GALNT15: variants seen among roughly 807,000 people sequenced by gnomAD.
GALNT15 encodes UDP-GalNAc transferase T15.
Under a neutral mutation model 66.8 loss-of-function variants are expected in GALNT15, and 67 were observed. The observed-to-expected ratio is 1.00, with a 90% CI of 0.82 to 1.23. The LOEUF (loss-of-function observed/expected upper bound fraction) is 1.23, where lower values mean the gene tolerates loss of function less well. Among genes scored for constraint, GALNT15 ranks in the 50% most tolerant of loss-of-function variants. The pLI is 0.00. For synonymous variants in GALNT15, 313 were observed against 311.5 expected (o/e 1.00, Z -0.05); for missense variants, 827 against 804.3 (o/e 1.03, Z -0.34).
chr3:16,238,723 T>C, the GALNT15 span, among the ~76,000 whole-genome samples: 3 of 152,132 alleles, frequency 2.0e-5, no homozygotes, highest in African/African-American at 7.2e-5. This position sits in a 1 kb window ranked among gnomAD's most constrained non-coding sequence, Gnocchi z 4.8. Context: ...CACATTTGAT[T>C]GCCTCCCAGT....
chr3:16,231,830 A>G (rs1272401223), downstream of GALNT15: 2 of 1,536,334 alleles, frequency 1.3e-6, no homozygotes, highest in Non-Finnish European at 1.7e-6. The surrounding 1 kb of genome is among the most constrained non-coding windows in gnomAD (Gnocchi z 4.1). Context: ...GCTGAAGCTT[A>G]TCAAAGGCCT....
At chr3:16,202,620 A>C (rs982320579) in intron 3 of GALNT15, among the ~76,000 whole-genome samples, 9 of 152,224 alleles carry the variant, frequency 5.9e-5, no homozygotes, top group African/African-American at 2.2e-4. Flanking sequence ...GCAACAGAGC[A>C]AGACTCCATC....
chr3:16,243,424 C>T, the GALNT15 span, among the ~76,000 whole-genome samples: 1 of 152,244 alleles, frequency 6.6e-6, no homozygotes, highest in Admixed American at 6.5e-5. Context: ...ATCACTTCTG[C>T]AGCTGATGCA....
rs2063473497 is a variant in GALNT15, at chr3:16,181,733, G to A, written c.539+6043G>A. Reference sequence around the variant, plus strand: ...TGAGGGACAAGAACAGGAACAAGCTGGGCTTGAGACCTGGGGCTGGAACTT... The same window carrying A: ...TGAGGGACAAGAACAGGAACAAGCTAGGCTTGAGACCTGGGGCTGGAACTT... On this transcript the variant is annotated intron_variant, in intron 1 of 9. Transcript: ENST00000339732. The surrounding 1 kb of genome is among the most constrained non-coding windows in gnomAD (Gnocchi z 5.9). Among the ~76,000 whole-genome samples, 1 of 152,244 alleles carries A rather than the reference G, an allele frequency of 6.6e-6. No individual in the cohort carries two copies. Among genetic ancestry groups the A allele is most frequent in the African/African-American group, 2.4e-5 (1 of 41,544 alleles).
Position 16,200,795 on chromosome 3 carries a change from C to G in GALNT15, c.883C>G (p.Pro295Ala), listed in dbSNP as rs200564483. The G allele has an allele frequency of 1.2e-5, 20 of 1,610,092 alleles. No homozygotes were observed. The highest frequency in any genetic ancestry group is 8.5e-7 in the Non-Finnish European group (1 of 1,178,522). Residue 295 changes from proline to alanine, a missense_variant, in exon 3 of 10, where the codon CCC (proline) becomes GCC (alanine). Transcript: ENST00000339732. The surrounding 1 kb of genome is among the most constrained non-coding windows in gnomAD (Gnocchi z 4.4). ...HCECHPGWLEPLLSRIAGDRS... is the reference protein window; with the variant it reads ...HCECHPGWLEALLSRIAGDRS... ...CGAGTGCCACCCAGGCTGGCTGGAG[C>G]CCCTCCTCAGCAGAATAGCTGGTGA...
Position 16,207,501 on chromosome 3 carries a change from T to TAAAAA in GALNT15, c.912-964_912-960dup, listed in dbSNP as rs36127239. ...ACTCTGCAGTCATATCTCCAGGCTGTAAAAAAAAAAAAAAAAAAAAAAAAA... is the reference window on the plus strand; with the variant it reads ...ACTCTGCAGTCATATCTCCAGGCTGTAAAAAAAAAAAAAAAAAAAAAAAAAAAAAA... On this transcript the variant is annotated intron_variant, in intron 3 of 9. Coordinates refer to ENST00000339732, the MANE Select transcript of GALNT15 (RefSeq NM_054110.5). 2.2e-3 allele frequency among the ~76,000 whole-genome samples: 89 copies of TAAAAA among 39,844 alleles called. 3 individuals carry two copies. The highest frequency in any genetic ancestry group is 3.2e-3 in the Non-Finnish European group (75 of 23,694). 26.1% of individuals were successfully genotyped at this position (39,844 alleles called of 152,430 possible).
In GALNT15 at chr3:16,182,172, C is replaced by G. The variant is rs1175689739; in HGVS notation, c.539+6482C>G. 6.6e-6 allele frequency among the ~76,000 whole-genome samples: 1 copy of G among 152,122 alleles called. No individual in the cohort carries two copies. Among genetic ancestry groups the G allele is most frequent in the Non-Finnish European group, 1.5e-5 (1 of 68,022 alleles). ...AGTGTGGTCCTCAGACCTGCAGCCTCAGAAATGCAGACCCTTCAGACCCCA... is the reference window on the plus strand; with the variant it reads ...AGTGTGGTCCTCAGACCTGCAGCCTGAGAAATGCAGACCCTTCAGACCCCA... On this transcript the variant is annotated intron_variant, in intron 1 of 9. Transcript: ENST00000339732. This position sits in a 1 kb window ranked among gnomAD's most constrained non-coding sequence, Gnocchi z 6.1.
the GALNT15 span, among the ~76,000 whole-genome samples, chr3:16,242,595 CA>C: frequency 6.7e-6 from 1 of 149,260 alleles, no homozygotes; most frequent in African/African-American, 2.5e-5. The surrounding 1 kb of genome is among the most constrained non-coding windows in gnomAD (Gnocchi z 5.6). Context: ...CAATCTCTAC[CA>C]AAAAAAAATA....
chr3:16,211,776 C>CA lies in GALNT15; in HGVS notation c.1197+543dup, dbSNP rs1322968628. On this transcript the variant is annotated intron_variant, in intron 5 of 9. Coordinates refer to ENST00000339732, the MANE Select transcript of GALNT15 (RefSeq NM_054110.5). The surrounding 1 kb of genome is among the most constrained non-coding windows in gnomAD (Gnocchi z 4.3). ...ACAGTATCCTCCGAAAACCCAACACCAAAAAAAATTCATCATCAAGAGTGC... is the reference window on the plus strand; with the variant it reads ...ACAGTATCCTCCGAAAACCCAACACCAAAAAAAAATTCATCATCAAGAGTGC... Among the ~76,000 whole-genome samples, 1 of 151,890 alleles carries CA rather than the reference C, an allele frequency of 6.6e-6. No homozygotes were observed. The highest frequency in any genetic ancestry group is 1.5e-5 in the Non-Finnish European group (1 of 67,986).
At chr3:16,190,955 G>A (rs1012205882) in intron 1 of GALNT15, among the ~76,000 whole-genome samples, 1 of 152,218 alleles carries the variant, frequency 6.6e-6, no homozygotes, top group Non-Finnish European at 1.5e-5. Context: ...CCTGAGAGAG[G>A]AGAAGGATTC....
chr3:16,232,488 ATATATATATATATATATATATATTTATT>A (rs1203444051), downstream of GALNT15, among the ~76,000 whole-genome samples: 67 of 80,540 alleles, frequency 8.3e-4, 4 homozygotes, highest in South Asian at 2.2e-3. Flanking sequence ...ATATATATAT[ATATATATATATATATATATATATTTATT>A]TAAAAGAGAC....
In GALNT15 at chr3:16,176,695, G is replaced by C. The variant is rs1401035481; in HGVS notation, c.539+1005G>C. 1.3e-5 allele frequency among the ~76,000 whole-genome samples: 2 copies of C among 152,184 alleles called. No homozygotes were observed. The highest frequency in any genetic ancestry group is 1.5e-5 in the Non-Finnish European group (1 of 68,030). ...AAGGCAGCTTGTTAGTTTTAGTTTG[G>C]TGATTTAGGTCCCTTTTCCTATAGG... On this transcript the variant is annotated intron_variant, in intron 1 of 9. Coordinates refer to ENST00000339732, the MANE Select transcript of GALNT15 (RefSeq NM_054110.5). This position sits in a 1 kb window ranked among gnomAD's most constrained non-coding sequence, Gnocchi z 5.6.
the GALNT15 span, among the ~76,000 whole-genome samples, chr3:16,237,519 C>T: frequency 6.6e-6 from 1 of 152,226 alleles, no homozygotes; most frequent in African/African-American, 2.4e-5. This position sits in a 1 kb window ranked among gnomAD's most constrained non-coding sequence, Gnocchi z 4.2. Flanking sequence ...CTCTACTGGC[C>T]GTGCTGCTGA....
intron 3 of GALNT15, among the ~76,000 whole-genome samples, chr3:16,206,068 C>G (rs572702184): frequency 2.0e-5 from 3 of 152,168 alleles, no homozygotes; most frequent in Non-Finnish European, 4.4e-5. Flanking sequence ...AAGCAACGTA[C>G]TCCTTTGTTA....
chr3:16,235,023 C>T (rs1365806755), downstream of GALNT15, among the ~76,000 whole-genome samples: 1 of 151,482 alleles, frequency 6.6e-6, no homozygotes, highest in African/African-American at 2.4e-5. Flanking sequence ...CCTGGGTTCA[C>T]ACCATTATCC....
At chr3:16,194,120 C>T (rs2063607849) in intron 1 of GALNT15, among the ~76,000 whole-genome samples, 1 of 152,176 alleles carries the variant, frequency 6.6e-6, no homozygotes, top group Non-Finnish European at 1.5e-5. Context: ...CACTTGCCAG[C>T]AATGTGAGCT....
At position 16,225,038 on chromosome 3, in the gene GALNT15, G is replaced by A. The variant is rs1356136266; in HGVS notation, c.1773+2280G>A. On this transcript the variant is annotated intron_variant, in intron 9 of 9. Transcript: ENST00000339732. The surrounding 1 kb of genome is among the most constrained non-coding windows in gnomAD (Gnocchi z 4.4). Reference sequence around the variant, plus strand: ...CATGGTTCTGCAGGCTGTATAGGAAGCATAGTGGCATCTGCTTCTGGGGAG... The same window carrying A: ...CATGGTTCTGCAGGCTGTATAGGAAACATAGTGGCATCTGCTTCTGGGGAG... Among the ~76,000 whole-genome samples the A allele has an allele frequency of 6.6e-6, 1 of 152,202 alleles. No homozygotes were observed. The highest frequency in any genetic ancestry group is 1.5e-5 in the Non-Finnish European group (1 of 68,044).
At position 16,213,280 on chromosome 3, in the gene GALNT15, C is replaced by T. The variant is rs2063837162; in HGVS notation, c.1392+517C>T. 2.0e-5 allele frequency among the ~76,000 whole-genome samples: 3 copies of T among 149,370 alleles called. No individual in the cohort carries two copies. In the Admixed American group the frequency reaches 2.0e-4, roughly 10 times the overall value. ...ACCATCCTGGCTAACATGGTGAAAC[C>T]CCGTCTCTACTAAAAATACAAAAAA... On this transcript the variant is annotated intron_variant, in intron 6 of 9. Transcript: ENST00000339732.
Position 16,200,058 on chromosome 3 carries a change from G to A in GALNT15, c.707-561G>A, listed in dbSNP as rs750765482. 6.6e-6 allele frequency among the ~76,000 whole-genome samples: 1 copy of A among 152,184 alleles called. No individual in the cohort carries two copies. Among genetic ancestry groups the A allele is most frequent in the South Asian group, 2.1e-4 (1 of 4,828 alleles). On this transcript the variant is annotated intron_variant, in intron 2 of 9. Transcript: ENST00000339732. This position sits in a 1 kb window ranked among gnomAD's most constrained non-coding sequence, Gnocchi z 4.4. ...TTTCGCATGGCTGGGGAGGCCTCAG[G>A]AAACTTACAATCATGGTGGAAGGGG...
Sources: gnomAD v4.1 joint callset for allele counts (sites outside exome capture counted in the v4.1 genomes callset) on GRCh38, gnomAD v4.1.1 for gene constraint, Gnocchi (gnomAD v3.1) non-coding constraint, MANE v1.5 for transcripts, NCBI Gene and HGNC (gene_info 2026-07-23, HGNC 2026-07-21) for gene names.